Variants in RNF150 observed in about 807,000 individuals in gnomAD.
The protein encoded by RNF150 is ring finger protein 150.
In RNF150, 24 loss-of-function variants were observed where a neutral mutation model predicts 39.3. The observed-to-expected ratio is 0.61, with a 90% CI of 0.44 to 0.86. RNF150 has a LOEUF of 0.86. Among genes scored for constraint, RNF150 ranks in the 40% least tolerant of loss-of-function variants. The probability of loss-of-function intolerance (pLI) is 0.00; values close to 1 mark genes in which losing one functional copy is unlikely to be tolerated. For synonymous variants in RNF150, 255 were observed against 227.3 expected (o/e 1.12, Z -1.10); for missense variants, 502 against 587.8 (o/e 0.85, Z 1.51).
At chr4:141,165,149 T>C (rs1228356226) in intron 1 of RNF150, among the ~76,000 whole-genome samples, 1 of 152,132 alleles carries the variant, frequency 6.6e-6, no homozygotes, top group African/African-American at 2.4e-5. Context: ...GTTGCAATCC[T>C]AGTCTCCAAT....
rs1733812838 is a variant in RNF150, at chr4:140,980,308, G to T, written c.485-12435C>A. Among the ~76,000 whole-genome samples the T allele has an allele frequency of 2.6e-5, 4 of 152,198 alleles. No homozygotes were observed. The South Asian group carries it at 8.3e-4, about 32-fold the overall frequency. ...TCTGCTTGTCTTGGCCTCTCAAAGT[G>T]CTGGGATTATAGGCATAAGCCACCA... On this transcript the variant is annotated intron_variant, in intron 1 of 6. Coordinates refer to ENST00000515673, the MANE Select transcript of RNF150 (RefSeq NM_020724.2).
chr4:141,087,208 C>T (rs1336209667), intron 1 of RNF150, among the ~76,000 whole-genome samples: 1 of 152,172 alleles, frequency 6.6e-6, no homozygotes, highest in African/African-American at 2.4e-5. Flanking sequence ...TATCATTTAG[C>T]TCGCACTTAT....
chr4:141,005,738 T>C (rs932388313), intron 1 of RNF150, among the ~76,000 whole-genome samples: 8 of 152,328 alleles, frequency 5.3e-5, no homozygotes, highest in African/African-American at 1.7e-4. Flanking sequence ...TCATGTACTA[T>C]GACAGAGGAA....
intron 6 of RNF150, among the ~76,000 whole-genome samples, chr4:140,903,361 A>T (rs1730257461): frequency 6.6e-6 from 1 of 152,206 alleles, no homozygotes; most frequent in Non-Finnish European, 1.5e-5. Context: ...TTCCAAAGCC[A>T]GTTCTTATGT....
At chr4:141,161,728 A>T (rs532120234) in intron 1 of RNF150, among the ~76,000 whole-genome samples, 139 of 152,316 alleles carry the variant, frequency 9.1e-4, no homozygotes, top group African/African-American at 3.2e-3. Flanking sequence ...TAGCTGCTCC[A>T]TCTCTAGCTG....
chr4:141,024,672 G>C (rs989593971), intron 1 of RNF150, among the ~76,000 whole-genome samples: 2 of 152,152 alleles, frequency 1.3e-5, no homozygotes, highest in African/African-American at 4.8e-5. Flanking sequence ...TGGCAATCCG[G>C]TGAGCAGAGC....
At chr4:140,946,128 T>C (rs747505319) in intron 4 of RNF150, among the ~76,000 whole-genome samples, 1 of 152,236 alleles carries the variant, frequency 6.6e-6, no homozygotes, top group African/African-American at 2.4e-5. Context: ...GTCTTAGATA[T>C]AGGTGTCTAC....
intron 1 of RNF150, among the ~76,000 whole-genome samples, chr4:141,010,119 G>A (rs572450126): frequency 6.6e-6 from 1 of 152,338 alleles, no homozygotes; most frequent in East Asian, 1.9e-4. Context: ...CTAAGGTTCA[G>A]GAAAGTGGCT....
chr4:141,118,945 G>T (rs1197606737), intron 1 of RNF150, among the ~76,000 whole-genome samples: 1 of 152,074 alleles, frequency 6.6e-6, no homozygotes, highest in Non-Finnish European at 1.5e-5. Flanking sequence ...ATTTTTAGTA[G>T]AAACAGGGTT....
chr4:141,045,566 G>A (rs532193676), intron 1 of RNF150, among the ~76,000 whole-genome samples: 11 of 151,148 alleles, frequency 7.3e-5, no homozygotes, highest in East Asian at 5.8e-4. Flanking sequence ...TTTTTGAAAC[G>A]GAGTTTCGTT....
intron 1 of RNF150, among the ~76,000 whole-genome samples, chr4:140,978,690 CTGTA>C (rs943837172): frequency 6.6e-6 from 1 of 151,920 alleles, no homozygotes; most frequent in African/African-American, 2.4e-5. Flanking sequence ...TTTGTGATAA[CTGTA>C]TGGGGAGTGA....
intron 1 of RNF150, among the ~76,000 whole-genome samples, chr4:141,095,501 G>C (rs1196850800): frequency 6.6e-6 from 1 of 152,106 alleles, no homozygotes; most frequent in Non-Finnish European, 1.5e-5. Context: ...TTCATGCAAT[G>C]AATATCCTAC....
At chr4:140,966,743 T>C (rs1395026577) in intron 2 of RNF150, among the ~76,000 whole-genome samples, 1 of 152,166 alleles carries the variant, frequency 6.6e-6, no homozygotes, top group Non-Finnish European at 1.5e-5. Context: ...AAAGTGTAAA[T>C]TGGTTCAACA....
At chr4:141,050,340 C>G (rs968999565) in intron 1 of RNF150, among the ~76,000 whole-genome samples, 3 of 152,110 alleles carry the variant, frequency 2.0e-5, no homozygotes, top group African/African-American at 7.2e-5. Flanking sequence ...CCTCCCAAAT[C>G]TCATGTCCTC....
intron 1 of RNF150, among the ~76,000 whole-genome samples, chr4:141,024,599 A>G (rs1415124435): frequency 2.6e-5 from 4 of 152,178 alleles, no homozygotes; most frequent in Non-Finnish European, 4.4e-5. Context: ...ATAAGCTATC[A>G]ACCTAAATAA....
chr4:141,039,370 T>C (rs953341674), intron 1 of RNF150, among the ~76,000 whole-genome samples: 13 of 130,442 alleles, frequency 1.0e-4, no homozygotes, highest in Non-Finnish European at 2.1e-4. Flanking sequence ...AGGAAGGAGG[T>C]AGAGAAAGAA....
At chr4:140,875,348 AT>A (rs898892189) in intron 6 of RNF150, among the ~76,000 whole-genome samples, 15 of 151,630 alleles carry the variant, frequency 9.9e-5, no homozygotes, top group African/African-American at 1.2e-4. Context: ...TAATTAAAAT[AT>A]TTTTTTTCAT....
rs1043299633 is a variant in RNF150 at position 140,860,410 on chromosome 4, G to A, written c.*7851C>T. 2.6e-5 allele frequency: 4 copies of A among 152,122 alleles called. No homozygotes were observed. Among genetic ancestry groups the A allele is most frequent in the Admixed American group, 6.5e-5 (1 of 15,272 alleles). The allele number at this position is 152,122 out of a possible 1,614,324, so 9.4% of individuals were successfully genotyped here. Reference sequence around the variant, plus strand: ...ACTCCCCATGCAAATGTCATCAGGAGTGACTTTTTTGTGATTTTGGGTCAG... The same window carrying A: ...ACTCCCCATGCAAATGTCATCAGGAATGACTTTTTTGTGATTTTGGGTCAG... On this transcript the variant is annotated 3_prime_UTR_variant, in exon 7 of 7. Coordinates refer to ENST00000515673, the MANE Select transcript of RNF150 (RefSeq NM_020724.2).
At chr4:141,038,784 T>C (rs796364133) in intron 1 of RNF150, among the ~76,000 whole-genome samples, 42 of 152,174 alleles carry the variant, frequency 2.8e-4, no homozygotes, top group African/African-American at 9.4e-4. Flanking sequence ...ACAATGATCA[T>C]AGAAGCAGAA....
Sources: allele counts gnomAD v4.1 joint callset (sites outside exome capture counted in the v4.1 genomes callset), GRCh38; gene constraint gnomAD v4.1.1; transcripts MANE v1.5; gene names NCBI Gene and HGNC (gene_info 2026-07-23, HGNC 2026-07-21).